CSTF3: variants seen among roughly 807,000 people sequenced by gnomAD.
The protein encoded by CSTF3 is cleavage stimulation factor subunit 3, also known as CF-1 77 kDa subunit.
A neutral mutation model predicts 105.8 loss-of-function variants in CSTF3; 29 were observed. That is an observed-to-expected ratio of 0.27 (90% CI 0.20 to 0.37). CSTF3 has a LOEUF of 0.37. Ranked by LOEUF, CSTF3 falls within the 10% of genes least tolerant of loss-of-function variation. The pLI, the probability that CSTF3 is intolerant of heterozygous loss-of-function variation, is 1.00. For missense variants in CSTF3, 357 were observed against 879.3 expected, an observed-to-expected ratio of 0.41 and a Z score of 7.51; for synonymous variants, 252 against 281.9, an observed-to-expected ratio of 0.89 and a Z score of 1.06.
intron 1 of CSTF3, among the ~76,000 whole-genome samples, chr11:33,142,211 T>C (rs1855720649): frequency 6.6e-6 from 1 of 151,808 alleles, no homozygotes; most frequent in Admixed American, 6.6e-5. Flanking sequence ...TTGAAAATAC[T>C]CAGAGAGAAA....
intron 1 of CSTF3, among the ~76,000 whole-genome samples, chr11:33,153,170 G>A (rs776798271): frequency 6.6e-6 from 1 of 151,334 alleles, no homozygotes; most frequent in Admixed American, 6.6e-5. Context: ...TCTTTTAAAT[G>A]TCTGGCTGAA....
intron 3 of CSTF3, among the ~76,000 whole-genome samples, chr11:33,140,790 G>C (rs939988903): frequency 6.6e-6 from 1 of 152,008 alleles, no homozygotes; most frequent in Non-Finnish European, 1.5e-5. Context: ...TACTGCATAA[G>C]TTACAAAAAG....
At chr11:33,118,472 T>A (rs1260134585) in intron 3 of CSTF3, among the ~76,000 whole-genome samples, 5 of 151,866 alleles carry the variant, frequency 3.3e-5, no homozygotes, top group African/African-American at 9.7e-5. Flanking sequence ...TAATCTGTAA[T>A]TTTGGGGTAA....
intron 3 of CSTF3, among the ~76,000 whole-genome samples, chr11:33,116,202 A>G (rs1245915774): frequency 1.3e-5 from 2 of 152,208 alleles, no homozygotes; most frequent in African/African-American, 4.8e-5. Context: ...TTAGGTATTA[A>G]TTAGTCTTCC....
intron 3 of CSTF3, among the ~76,000 whole-genome samples, chr11:33,135,372 A>G (rs1855642970): frequency 1.3e-5 from 2 of 152,146 alleles, no homozygotes; most frequent in African/African-American, 4.8e-5. Flanking sequence ...AAACTATAAA[A>G]TTTACTGACA....
intron 14 of CSTF3, 52 bp from the exon 15 acceptor site, chr11:33,096,460 A>C (rs1433024090): frequency 8.8e-7 from 1 of 1,130,052 alleles, no homozygotes; most frequent in Non-Finnish European, 1.3e-6. Flanking sequence ...CAGATAAAAA[A>C]CACTTGAAAG....
intron 16 of CSTF3, 93 bp from the exon 17 acceptor site, chr11:33,090,820 CCTTAA>C (rs1855161994): frequency 1.4e-5 from 10 of 732,500 alleles, no homozygotes; most frequent in Admixed American, 7.2e-5. Flanking sequence ...TCTCTTTTTC[CCTTAA>C]CTTATAAAAA....
chr11:33,134,941 A>C (rs1015759523), intron 3 of CSTF3, among the ~76,000 whole-genome samples: 11 of 152,146 alleles, frequency 7.2e-5, no homozygotes, highest in Non-Finnish European at 1.6e-4. Flanking sequence ...AAAGGATGTT[A>C]GCTAAATAAA....
intron 17 of CSTF3, among the ~76,000 whole-genome samples, chr11:33,087,923 A>G (rs1855123074): frequency 6.6e-6 from 1 of 152,208 alleles, no homozygotes; most frequent in South Asian, 2.1e-4. Flanking sequence ...ACAGTCACCT[A>G]TGAACAGAGG....
intron 3 of CSTF3, among the ~76,000 whole-genome samples, chr11:33,137,039 C>T (rs764178150): frequency 2.0e-5 from 3 of 151,634 alleles, no homozygotes; most frequent in Non-Finnish European, 4.4e-5. Flanking sequence ...AACCTTTTTC[C>T]ACAATTTCAG....
intron 13 of CSTF3, among the ~76,000 whole-genome samples, chr11:33,098,454 G>C (rs1855246871): frequency 2.0e-5 from 3 of 152,162 alleles, no homozygotes; most frequent in Admixed American, 2.0e-4. Context: ...GTAATTGTCA[G>C]AGGTAAGGGC....
chr11:33,120,691 C>A (rs1855478539), intron 3 of CSTF3, among the ~76,000 whole-genome samples: 1 of 151,808 alleles, frequency 6.6e-6, no homozygotes, highest in Non-Finnish European at 1.5e-5. Context: ...TTCACAGCAC[C>A]TAGAACAAAG....
At chr11:33,096,721 C>A in intron 14 of CSTF3, 114 bp downstream of exon 14, 1 of 1,009,368 alleles carries the variant, frequency 9.9e-7, no homozygotes, top group Non-Finnish European at 1.4e-6. Flanking sequence ...ACTTAGACTG[C>A]CTTTACAAAA....
At chr11:33,149,273 G>C (rs1029145373) in intron 1 of CSTF3, among the ~76,000 whole-genome samples, 3 of 152,190 alleles carry the variant, frequency 2.0e-5, no homozygotes, top group African/African-American at 7.2e-5. Context: ...TAGCTCCTCA[G>C]TAGTCAAATG....
chr11:33,113,079 T>C (rs963999199), intron 3 of CSTF3, among the ~76,000 whole-genome samples: 1 of 151,912 alleles, frequency 6.6e-6, no homozygotes, highest in Non-Finnish European at 1.5e-5. Flanking sequence ...TGGTGGCGCA[T>C]GCCTGTAGTC....
intron 10 of CSTF3, among the ~76,000 whole-genome samples, chr11:33,101,457 T>A (rs568989057): frequency 6.6e-6 from 1 of 152,308 alleles, no homozygotes; most frequent in Non-Finnish European, 1.5e-5. Flanking sequence ...ACCTTAGACT[T>A]TTCATTGTCT....
chr11:33,137,303 C>A (rs571029275), intron 3 of CSTF3, among the ~76,000 whole-genome samples: 2 of 151,412 alleles, frequency 1.3e-5, no homozygotes, highest in South Asian at 4.1e-4. Context: ...GATTAGAAAA[C>A]ATACAGTTTT....
chr11:33,084,933 G>T lies in CSTF3; in HGVS notation c.*154C>A. The stretch of plus-strand genomic sequence containing the variant: ...CGTATTCTAAAATTCACACAGGTTG[G>T]TTTGTTTTTTCTCAAGAACCATGTG... On this transcript the variant is annotated 3_prime_UTR_variant, in exon 21 of 21. Transcript: ENST00000323959. 1.2e-6 allele frequency: 1 copy of T among 804,246 alleles called. No homozygotes were observed. Among genetic ancestry groups the T allele is most frequent in the Non-Finnish European group, 2.0e-6 (1 of 497,220 alleles). The allele number at this position is 804,246 out of a possible 1,614,324, so 49.8% of individuals were successfully genotyped here.
chr11:33,112,459 C>T (rs894889261), intron 3 of CSTF3, among the ~76,000 whole-genome samples: 1 of 151,972 alleles, frequency 6.6e-6, no homozygotes, highest in African/African-American at 2.4e-5. Context: ...TTCCAGGTGC[C>T]CATAAATCAT....
Sources: allele counts gnomAD v4.1 joint callset (sites outside exome capture counted in the v4.1 genomes callset), GRCh38; gene constraint gnomAD v4.1.1; transcripts MANE v1.5; gene names NCBI Gene and HGNC (gene_info 2026-07-23, HGNC 2026-07-21).